The following SEC31B variants were observed in gnomAD, a reference collection of about 807,000 sequenced individuals.
SEC31B encodes SEC31 homolog B, COPII component.
In SEC31B, 113 loss-of-function variants were observed where a neutral mutation model predicts 135.0. The observed-to-expected ratio is 0.84, with a 90% CI of 0.72 to 0.98. The LOEUF (loss-of-function observed/expected upper bound fraction) is 0.98, where lower values mean the gene tolerates loss of function less well. Ranked by LOEUF, SEC31B falls within the 50% of genes least tolerant of loss-of-function variation. The probability of loss-of-function intolerance (pLI) is 0.00; values close to 1 mark genes in which losing one functional copy is unlikely to be tolerated. For missense variants in SEC31B, 1,296 were observed against 1,421.1 expected, an observed-to-expected ratio of 0.91 and a Z score of 1.42; for synonymous variants, 508 against 549.4, an observed-to-expected ratio of 0.92 and a Z score of 1.05.
At position 100,509,014 on chromosome 10, in the gene SEC31B, T is replaced by A. The variant is rs773941606; in HGVS notation, c.488A>T (p.Lys163Met). 18 of 1,613,380 alleles carry A rather than the reference T, an allele frequency of 1.1e-5. No individual in the cohort carries two copies. The Admixed American group carries it at 3.0e-4, about 27-fold the overall frequency. ...AGTGGGGGTGCTGCTCACCTGTGACTTGGATCCCAGGGTCATTGGCACATT... is the reference window on the plus strand; with the variant it reads ...AGTGGGGGTGCTGCTCACCTGTGACATGGATCCCAGGGTCATTGGCACATT... ...NLNVPMTLGS[K>M]SQQPPEDIKA... The change falls in exon 5 of 26, where the codon AAG (lysine) becomes ATG (methionine). Residue 163 changes from lysine (K) to methionine (M), a missense_variant. Transcript: ENST00000370345.
At chr10:100,511,359 G>C (rs1851733768) in intron 3 of SEC31B, among the ~76,000 whole-genome samples, 1 of 152,246 alleles carries the variant, frequency 6.6e-6, no homozygotes, top group East Asian at 1.9e-4. Context: ...GGTGCTCAGG[G>C]AGTGTTCCCA....
intron 9 of SEC31B, 41 bp from the exon 10 acceptor site, chr10:100,505,536 A>C: frequency 6.6e-7 from 1 of 1,503,996 alleles, no homozygotes. Context: ...CTAAAGTGGC[A>C]GTTTAGTCAG....
intron 17 of SEC31B, among the ~76,000 whole-genome samples, 159 bp from the exon 18 acceptor site, chr10:100,496,590 C>G (rs1851414324): frequency 6.6e-6 from 1 of 152,214 alleles, no homozygotes; most frequent in African/African-American, 2.4e-5. Context: ...AGAACTGTGA[C>G]AGAGAAGGGC....
At position 100,502,418 on chromosome 10, in the gene SEC31B, G is replaced by T; in HGVS notation, c.1246C>A (p.Pro416Thr). The change falls in exon 11 of 26, where the codon CCC (proline) becomes ACC (threonine). Residue 416 changes from proline (P) to threonine (T), a missense_variant. Coordinates refer to ENST00000370345, the MANE Select transcript of SEC31B (RefSeq NM_015490.4). ...ACTTGACTGATGAAGACTAGGCGGG[G>T]GCAAGGCTGTGGCACCAGATGGGCA... ...TPAHLVPQPC[P>T]RLVFISQVTT... The T allele has an allele frequency of 6.2e-7, 1 of 1,614,152 alleles. No individual in the cohort carries two copies. The highest frequency in any genetic ancestry group is 1.1e-5 in the South Asian group (1 of 91,078).
intron 24 of SEC31B, 61 bp from the exon 25 acceptor site, chr10:100,488,159 A>G (rs1851219469): frequency 6.9e-7 from 1 of 1,455,898 alleles, no homozygotes; most frequent in Non-Finnish European, 9.6e-7. Flanking sequence ...ACAGGGCCAT[A>G]AAGAATCACA....
chr10:100,489,410 GAAGGA>G lies in SEC31B; in HGVS notation c.3025-17_3025-13del. On this transcript the variant is annotated splice_polypyrimidine_tract_variant and intron_variant, in intron 22 of 25. Transcript: ENST00000370345. ...AATGTCTCTGGCAGCTAAAGAGACA[GAAGGA>G]AAGACATGAGTCTAACCTGAGAGAC... is the stretch of plus-strand genomic sequence containing the variant. 6.2e-7 allele frequency: 1 copy of G among 1,613,148 alleles called. No individual in the cohort carries two copies. The highest frequency in any genetic ancestry group is 8.5e-7 in the Non-Finnish European group (1 of 1,179,800).
At chr10:100,510,846 T>C (rs1589740189) in intron 3 of SEC31B, among the ~76,000 whole-genome samples, 1 of 152,324 alleles carries the variant, frequency 6.6e-6, no homozygotes, top group South Asian at 2.1e-4. Flanking sequence ...AAGGTTGCAA[T>C]GATCTTAATA....
intron 11 of SEC31B, among the ~76,000 whole-genome samples, chr10:100,501,078 A>C (rs1191539655): frequency 6.2e-5 from 9 of 146,014 alleles, no homozygotes; most frequent in South Asian, 4.4e-4. Context: ...AAAAAAAAAA[A>C]ACCCTGTCTC....
rs200624887 is a variant in SEC31B at position 100,497,848 on chromosome 10, C to T, written c.1864-55G>A. ...TCAGCCATCCATCCAGCATAGGCAGCAGGATTCCTGCACAGGCCTCCTGTT... is the reference window on the plus strand; with the variant it reads ...TCAGCCATCCATCCAGCATAGGCAGTAGGATTCCTGCACAGGCCTCCTGTT... On this transcript the variant is annotated intron_variant, in intron 15 of 25. Transcript: ENST00000370345. 3.7e-6 allele frequency: 6 copies of T among 1,613,370 alleles called. No homozygotes were observed. The African/African-American group carries it at 4.0e-5, about 11-fold the overall frequency.
chr10:100,503,434 C>CTT (rs113897653), intron 10 of SEC31B, among the ~76,000 whole-genome samples: 4 of 142,436 alleles, frequency 2.8e-5, no homozygotes, highest in Non-Finnish European at 4.6e-5. Flanking sequence ...AGGCTGACAA[C>CTT]TTTTTTTTTT....
intron 14 of SEC31B, 150 bp downstream of exon 14, chr10:100,498,555 A>G (rs1300727836): frequency 4.8e-6 from 3 of 626,520 alleles, no homozygotes; most frequent in Non-Finnish European, 8.5e-6. Context: ...AACCAGAGAG[A>G]GCTCTAACTG....
In SEC31B at chr10:100,498,718, G is replaced by A. The variant is rs138563597; in HGVS notation, c.1671C>T (p.Ile557=). The A allele has an allele frequency of 1.2e-6, 2 of 1,612,348 alleles. No individual in the cohort carries two copies. Among genetic ancestry groups the A allele is most frequent in the African/African-American group, 2.7e-5 (2 of 74,868 alleles). Residue 557 remains isoleucine (I), a synonymous_variant, in exon 14 of 26, where the codon ATC becomes ATT. Coordinates refer to ENST00000370345, the MANE Select transcript of SEC31B (RefSeq NM_015490.4). ...GGGTCAGGGTACCTTTTGTGATGGG[G>A]ATCTCCCAAGGAGTCATGTTCTGAG... is the stretch of plus-strand genomic sequence containing the variant. The part of the protein sequence containing the change: ...LVPQNMTPWE[I]PITKDIDGLL...
In SEC31B at chr10:100,502,423, G is replaced by A. The variant is rs1469817218; in HGVS notation, c.1241C>T (p.Pro414Leu). ...ACTGATGAAGACTAGGCGGGGGCAA[G>A]GCTGTGGCACCAGATGGGCAGGGGT... is the stretch of plus-strand genomic sequence containing the variant. ...PSTPAHLVPQ[P>L]CPRLVFISQV... is the part of the protein sequence containing the mutation. Residue 414 changes from proline to leucine, a missense_variant, in exon 11 of 26, where the codon CCT (proline) becomes CTT (leucine). Transcript: ENST00000370345. 7.4e-6 allele frequency: 12 copies of A among 1,614,176 alleles called. No homozygotes were observed. Among genetic ancestry groups the A allele is most frequent in the Non-Finnish European group, 1.0e-5 (12 of 1,180,048 alleles).
rs1851462518 is a variant in SEC31B, at chr10:100,498,802, G to A, written c.1587C>T (p.Ala529=). The change falls in exon 14 of 26, where the codon GCC becomes GCT. Residue 529 remains alanine, a splice_region_variant and synonymous_variant. Coordinates refer to ENST00000370345, the MANE Select transcript of SEC31B (RefSeq NM_015490.4). The part of the protein sequence containing the change: ...SDRQQAFCSQ[A]SKHTTKEASA... ...AGGCTTCCTTTGTGGTGTGTTTGGA[G>A]GCCTGTATGAGGAAGGACAGAGGTG... 6.2e-7 allele frequency: 1 copy of A among 1,612,048 alleles called. No individual in the cohort carries two copies. The highest frequency in any genetic ancestry group is 1.3e-5 in the African/African-American group (1 of 74,980).
chr10:100,508,872 A>T, intron 5 of SEC31B, 135 bp downstream of exon 5: 1 of 680,586 alleles, frequency 1.5e-6, no homozygotes, highest in African/African-American at 1.8e-5. Context: ...GTAGCATGTT[A>T]GTCTGTGGAG....
rs561314147 is a variant in SEC31B at position 100,487,961 on chromosome 10, G to A, written c.3360+66C>T. ...CACCTATGGGAAGAAAAGACACTGG[G>A]CTTCCTTTGGCCATGGTGATGGTGG... On this transcript the variant is annotated intron_variant, in intron 25 of 25. Coordinates refer to ENST00000370345, the MANE Select transcript of SEC31B (RefSeq NM_015490.4). The A allele has an allele frequency of 3.2e-6, 5 of 1,557,190 alleles. No homozygotes were observed. In the African/African-American group the frequency reaches 5.4e-5, roughly 17 times the overall value.
At chr10:100,516,648 CAAAAAAAAAA>C (rs59172062) in intron 2 of SEC31B, among the ~76,000 whole-genome samples, 14 of 47,524 alleles carry the variant, frequency 2.9e-4, no homozygotes, top group African/African-American at 6.4e-4. Context: ...GACTCTGTCT[CAAAAAAAAAA>C]AAAAAAAAAA....
intron 5 of SEC31B, 51 bp downstream of exon 5, chr10:100,508,956 T>C (rs1851685076): frequency 7.0e-7 from 1 of 1,436,100 alleles, no homozygotes; most frequent in Non-Finnish European, 9.8e-7. Flanking sequence ...GACTTTTACT[T>C]AGGAGAATCA....
At chr10:100,495,124 C>A in intron 19 of SEC31B, 1 of 417,218 alleles carries the variant, frequency 2.4e-6, no homozygotes. Flanking sequence ...CCACGCCAGG[C>A]CTACTGTAGC....
Sources: gnomAD v4.1 joint callset for allele counts (sites outside exome capture counted in the v4.1 genomes callset) on GRCh38, gnomAD v4.1.1 for gene constraint, MANE v1.5 for transcripts, NCBI Gene and HGNC (gene_info 2026-07-23, HGNC 2026-07-21) for gene names.